Variants in ADAM12 observed in about 807,000 individuals in gnomAD.
ADAM12 encodes disintegrin and metalloproteinase domain-containing protein 12.
A neutral mutation model predicts 106.4 loss-of-function variants in ADAM12; 70 were observed. That is an observed-to-expected ratio of 0.66 (90% CI 0.54 to 0.80). ADAM12 has a LOEUF of 0.80. Among genes scored for constraint, ADAM12 ranks in the 30% least tolerant of loss-of-function variants. ADAM12 has a pLI of 0.00. For missense variants in ADAM12, 1,010 were observed against 1,171.9 expected (o/e 0.86, Z 2.02); for synonymous variants, 420 against 433.5 (o/e 0.97, Z 0.39).
At chr10:126,214,212 C>A (rs11244888) in intron 3 of ADAM12, among the ~76,000 whole-genome samples, 1 of 152,092 alleles carries the variant, frequency 6.6e-6, no homozygotes, top group Admixed American at 6.5e-5. Context: ...TGGTCGTATG[C>A]GCAGAACACC....
chr10:126,173,205 T>G (rs1044257722), intron 3 of ADAM12, among the ~76,000 whole-genome samples: 1 of 152,106 alleles, frequency 6.6e-6, no homozygotes, highest in African/African-American at 2.4e-5. Flanking sequence ...TGTATACCTA[T>G]GTAACGAACC....
intron 3 of ADAM12, among the ~76,000 whole-genome samples, chr10:126,254,997 C>A (rs1958862272): frequency 6.6e-6 from 1 of 152,222 alleles, no homozygotes; most frequent in African/African-American, 2.4e-5. Context: ...GCCCCGGTCA[C>A]CAGCCCCCGG....
intron 21 of ADAM12, among the ~76,000 whole-genome samples, chr10:126,023,626 G>A (rs1399573555): frequency 1.3e-5 from 2 of 152,202 alleles, no homozygotes; most frequent in East Asian, 3.9e-4. Context: ...TCTTCTAGAA[G>A]TAAATACATA....
At chr10:126,372,280 A>C (rs901307782) in intron 1 of ADAM12, among the ~76,000 whole-genome samples, 1 of 152,230 alleles carries the variant, frequency 6.6e-6, no homozygotes, top group Non-Finnish European at 1.5e-5. Context: ...ATGAACAGTG[A>C]TACCATGTGC....
chr10:126,298,931 G>T (rs893663304), intron 2 of ADAM12, among the ~76,000 whole-genome samples: 4 of 152,130 alleles, frequency 2.6e-5, no homozygotes, highest in Non-Finnish European at 2.9e-5. Context: ...TAACATTAAA[G>T]GTGAAATAAA....
At chr10:126,334,531 TTTGC>T (rs1431909319) in intron 1 of ADAM12, among the ~76,000 whole-genome samples, 3 of 152,154 alleles carry the variant, frequency 2.0e-5, no homozygotes, top group Non-Finnish European at 4.4e-5. Context: ...GTGTGCCTGC[TTTGC>T]TTGTCTCCTT....
chr10:126,117,719 G>T (rs1956009405), intron 6 of ADAM12, among the ~76,000 whole-genome samples: 1 of 131,832 alleles, frequency 7.6e-6, no homozygotes, highest in Non-Finnish European at 1.5e-5. Context: ...AGGGTCTCTT[G>T]GGAGATTCCA....
In ADAM12 at chr10:126,094,145, C is replaced by G; in HGVS notation, c.997-12G>C. 6.2e-7 allele frequency: 1 copy of G among 1,612,774 alleles called. No homozygotes were observed. Among genetic ancestry groups the G allele is most frequent in the South Asian group, 1.1e-5 (1 of 90,862 alleles). On this transcript the variant is annotated splice_polypyrimidine_tract_variant and intron_variant, in intron 10 of 22. Transcript: ENST00000448723. Reference sequence around the variant, plus strand: ...TTGTCTGAATGGTCCTCAAAGAAAACACAAAAGTACAGGTGTATAATTCAT... The same window carrying G: ...TTGTCTGAATGGTCCTCAAAGAAAAGACAAAAGTACAGGTGTATAATTCAT...
intron 1 of ADAM12, among the ~76,000 whole-genome samples, chr10:126,372,824 A>C (rs904268935): frequency 2.6e-5 from 4 of 152,178 alleles, no homozygotes; most frequent in African/African-American, 9.6e-5. Context: ...TGAGGGAGAA[A>C]GAAGGATGAT....
rs181784636 is a variant in ADAM12 at position 126,188,642 on chromosome 10, A to G, written c.261-33337T>C. Among the ~76,000 whole-genome samples, 821 of 151,972 alleles carry G rather than the reference A, an allele frequency of 5.4e-3. 4 individuals are homozygous for G. Among genetic ancestry groups the G allele is most frequent in the Non-Finnish European group, 9.3e-3 (635 of 67,942 alleles). ...ACAGGCATCTTCTGTGAGTGGAATC[A>G]TTTTTCTTTTATTTGATCCCATGAC... On this transcript the variant is annotated intron_variant, in intron 3 of 22. Coordinates refer to ENST00000448723, the MANE Select transcript of ADAM12 (RefSeq NM_001288973.2).
At chr10:126,157,838 CG>C (rs1015563831) in intron 3 of ADAM12, among the ~76,000 whole-genome samples, 9 of 115,408 alleles carry the variant, frequency 7.8e-5, no homozygotes, top group Non-Finnish European at 1.6e-4. Context: ...GGCCCTGTCA[CG>C]CAGTCATGAG....
intron 14 of ADAM12, among the ~76,000 whole-genome samples, chr10:126,058,470 T>G (rs188797935): frequency 1.7e-3 from 259 of 152,354 alleles, no homozygotes; most frequent in Non-Finnish European, 3.2e-3. Flanking sequence ...GGATCTTATG[T>G]AAGGTCATAA....
At chr10:126,204,736 T>G (rs1475454411) in intron 3 of ADAM12, among the ~76,000 whole-genome samples, 1 of 152,254 alleles carries the variant, frequency 6.6e-6, no homozygotes, top group African/African-American at 2.4e-5. Context: ...CCACTCGGAC[T>G]GCACATTCAT....
At chr10:126,337,994 G>A (rs1410076396) in intron 1 of ADAM12, among the ~76,000 whole-genome samples, 1 of 152,162 alleles carries the variant, frequency 6.6e-6, no homozygotes, top group Non-Finnish European at 1.5e-5. Flanking sequence ...CAGATACACA[G>A]CCTTGGGCGT....
chr10:126,107,574 T>A (rs985097925), intron 8 of ADAM12, among the ~76,000 whole-genome samples: 1 of 152,172 alleles, frequency 6.6e-6, no homozygotes, highest in African/African-American at 2.4e-5. Flanking sequence ...CCACTATGTG[T>A]AAAATCTGCT....
rs1233492558 is a variant in ADAM12 at position 126,043,239 on chromosome 10, C to A, written c.1996-91G>T. On this transcript the variant is annotated intron_variant, in intron 17 of 22. Coordinates refer to ENST00000448723, the MANE Select transcript of ADAM12 (RefSeq NM_001288973.2). The surrounding 1 kb of genome is among the most constrained non-coding windows in gnomAD (Gnocchi z 4.1). The stretch of plus-strand genomic sequence containing the variant: ...CAAGGGGGGCCATGGTCAGAGCCCC[C>A]CCCCAACACTGACACAGCCAGACTC... The A allele has an allele frequency of 1.7e-6, 2 of 1,199,416 alleles. No individual in the cohort carries two copies. The highest frequency in any genetic ancestry group is 1.4e-5 in the South Asian group (1 of 72,276). 74.3% of individuals were successfully genotyped at this position (1,199,416 alleles called of 1,614,324 possible). A position where few individuals can be genotyped will look rare whatever the true frequency, so the allele number is the denominator to read the frequency against.
At chr10:126,320,434 T>C (rs2133833252) in intron 2 of ADAM12, among the ~76,000 whole-genome samples, 1 of 152,334 alleles carries the variant, frequency 6.6e-6, no homozygotes, top group Admixed American at 6.5e-5. Flanking sequence ...AGGATAGGTA[T>C]AAAAATGTTT....
At chr10:126,097,296 A>T (rs1955575549) in intron 10 of ADAM12, among the ~76,000 whole-genome samples, 1 of 152,162 alleles carries the variant, frequency 6.6e-6, no homozygotes, top group Non-Finnish European at 1.5e-5. Context: ...TGGAGATCAC[A>T]TGCAGGGCCT....
At chr10:126,068,642 G>C (rs1050117137) in intron 12 of ADAM12, among the ~76,000 whole-genome samples, 2 of 152,156 alleles carry the variant, frequency 1.3e-5, no homozygotes, top group African/African-American at 4.8e-5. Context: ...GTCCGGGAAG[G>C]CTTCAGCAAT....
Sources: gnomAD v4.1 joint callset for allele counts (sites outside exome capture counted in the v4.1 genomes callset) on GRCh38, gnomAD v4.1.1 for gene constraint, Gnocchi (gnomAD v3.1) non-coding constraint, MANE v1.5 for transcripts, NCBI Gene and HGNC (gene_info 2026-07-23, HGNC 2026-07-21) for gene names.